The following RBM15 variants were observed in gnomAD, a reference collection of about 807,000 sequenced individuals.
RBM15 encodes RNA binding motif protein 15.
In RBM15, 8 loss-of-function variants were observed where a neutral mutation model predicts 62.6. The ratio of observed to expected loss-of-function variants is 0.13; its 90% CI spans 0.07 to 0.23. RBM15 has a LOEUF of 0.23. Ranked by LOEUF, RBM15 falls within the 10% of genes least tolerant of loss-of-function variation. The probability of loss-of-function intolerance (pLI) is 1.00; values close to 1 mark genes in which losing one functional copy is unlikely to be tolerated. For missense variants in RBM15, 1,144 were observed against 1,286.5 expected (o/e 0.89, Z 1.69); for synonymous variants, 606 against 505.7 (o/e 1.20, Z -2.66).
In RBM15 at chr1:110,341,119, C is replaced by G. The variant is rs141543149; in HGVS notation, c.1714C>G (p.Leu572Val). The G allele has an allele frequency of 6.2e-7, 1 of 1,614,190 alleles. No individual in the cohort carries two copies. Among genetic ancestry groups the G allele is most frequent in the East Asian group, 2.2e-5 (1 of 44,882 alleles). ...TGCTCGGGATAGGACACCACCCTTACTATACAGAGATCGTGATAGGGACCT... is the reference window on the plus strand; with the variant it reads ...TGCTCGGGATAGGACACCACCCTTAGTATACAGAGATCGTGATAGGGACCT... ...RGARDRTPPL[L>V]YRDRDRDLYP... The change falls in exon 1 of 3, where the codon CTA becomes GTA. Residue 572 changes from leucine to valine, a missense_variant. This residue lies in a region of RBM15 where 360 missense variants were observed against 342.9 expected (regional missense o/e 1.05). Transcript: ENST00000369784. The surrounding 1 kb of genome is among the most constrained non-coding windows in gnomAD (Gnocchi z 4.5).
At position 110,341,175 on chromosome 1, in the gene RBM15, AC is replaced by A; in HGVS notation, c.1775del (p.Pro592GlnfsTer23). The A allele has an allele frequency of 6.2e-7, 1 of 1,613,530 alleles. No homozygotes were observed. The highest frequency in any genetic ancestry group is 1.1e-5 in the South Asian group (1 of 91,038). On this transcript the variant is annotated frameshift_variant, in exon 1 of 3. Transcript: ENST00000369784. LOFTEE classifies it high-confidence loss of function. This position sits in a 1 kb window ranked among gnomAD's most constrained non-coding sequence, Gnocchi z 4.5. Reference sequence around the variant, plus strand: ...CTGACTCTGATTGGGTGCCACCCCCACCCCCAGTCCGAGAACGCAGCACTCG... The same window carrying A: ...CTGACTCTGATTGGGTGCCACCCCCACCCCAGTCCGAGAACGCAGCACTCG... Reference protein sequence around the residue: ...YPDSDWVPPPPPVRERSTRTA... With the variant: ...YPDSDWVPPPXPVRERSTRTA...
chr1:110,339,770 G>A lies in RBM15; in HGVS notation c.365G>A (p.Arg122His). The change falls in exon 1 of 3, where the codon CGC becomes CAC. Residue 122 changes from arginine (R) to histidine (H), a missense_variant. Physicochemically the swap from Arg to His is conservative, Grantham distance 29 (BLOSUM62 0). Around this residue, in one of 8 missense-constraint regions of RBM15, gnomAD observed 298 missense variants for 250.0 expected, o/e 1.19. Transcript: ENST00000369784. ...ACCGGTGGGGGCAGCTCCAGTAGCC[G>A]CTTGCATAGTTATAGCTCCCCGAGC... is the stretch of plus-strand genomic sequence containing the variant. ...YDTGGGSSSS[R>H]LHSYSSPSTK... The A allele has an allele frequency of 3.1e-6, 5 of 1,609,834 alleles. No homozygotes were observed. Among genetic ancestry groups the A allele is most frequent in the Non-Finnish European group, 4.2e-6 (5 of 1,177,346 alleles).
rs935669687 is a variant in RBM15 at position 110,346,419 on chromosome 1, C to T, written c.*152C>T. On this transcript the variant is annotated 3_prime_UTR_variant, in exon 3 of 3. Transcript: ENST00000369784. The stretch of plus-strand genomic sequence containing the variant: ...TACATGGGCCTCTGATGGAAGAAAG[C>T]TAATCTGTTTAGTATTTGTGCATTT... 2.1e-6 allele frequency: 3 copies of T among 1,444,402 alleles called. No homozygotes were observed. The highest frequency in any genetic ancestry group is 1.7e-5 in the Admixed American group (1 of 58,636). 89.5% of individuals were successfully genotyped at this position (1,444,402 alleles called of 1,614,324 possible). A position where few individuals can be genotyped will look rare whatever the true frequency, so the allele number is the denominator to read the frequency against.
At position 110,339,569 on chromosome 1, in the gene RBM15, C is replaced by G. The variant is rs776905649; in HGVS notation, c.164C>G (p.Ala55Gly). ...MKGKERSPVK[A>G]KRSRGGEDST... ...GGAAAAGAGCGCTCGCCAGTGAAGG[C>G]CAAACGCTCCCGTGGTGGTGAGGAC... The change falls in exon 1 of 3, where the codon GCC becomes GGC. Residue 55 changes from alanine (A) to glycine (G), a missense_variant. Transcript: ENST00000369784. 1.9e-6 allele frequency: 3 copies of G among 1,605,378 alleles called. No homozygotes were observed. Among genetic ancestry groups the G allele is most frequent in the Non-Finnish European group, 2.6e-6 (3 of 1,173,444 alleles).
chr1:110,344,391 ACTTT>A (rs1201351134), intron 1 of RBM15, among the ~76,000 whole-genome samples: 6 of 151,490 alleles, frequency 4.0e-5, no homozygotes, highest in Admixed American at 1.3e-4. Flanking sequence ...CTTTTCTTTT[ACTTT>A]CTTTTTTTTT....
At position 110,339,755 on chromosome 1, in the gene RBM15, G is replaced by T. The variant is rs1214422782; in HGVS notation, c.350G>T (p.Gly117Val). The T allele has an allele frequency of 6.2e-7, 1 of 1,611,394 alleles. No individual in the cohort carries two copies. Among genetic ancestry groups the T allele is most frequent in the South Asian group, 1.1e-5 (1 of 91,028 alleles). The part of the protein sequence containing the change: ...GGSREYDTGG[G>V]SSSSRLHSYS... Reference sequence around the variant, plus strand: ...AGCCGCGAGTATGATACCGGTGGGGGCAGCTCCAGTAGCCGCTTGCATAGT... The same window carrying T: ...AGCCGCGAGTATGATACCGGTGGGGTCAGCTCCAGTAGCCGCTTGCATAGT... Residue 117 changes from glycine (G) to valine (V), a missense_variant, in exon 1 of 3, where the codon GGC (glycine) becomes GTC (valine). Coordinates refer to ENST00000369784, the MANE Select transcript of RBM15 (RefSeq NM_022768.5).
In RBM15 at chr1:110,341,657, G is replaced by A; in HGVS notation, c.2252G>A (p.Gly751Glu). The A allele has an allele frequency of 1.2e-6, 2 of 1,614,156 alleles. No individual in the cohort carries two copies. Among genetic ancestry groups the A allele is most frequent in the Non-Finnish European group, 1.7e-6 (2 of 1,180,042 alleles). Residue 751 changes from glycine (G) to glutamate (E), a missense_variant, in exon 1 of 3, where the codon GGG becomes GAG. By Grantham distance (98) the Gly-to-Glu change is moderately conservative (BLOSUM62 -2). This residue lies in a region of RBM15 where 360 missense variants were observed against 342.9 expected (regional missense o/e 1.05). Transcript: ENST00000369784. The surrounding 1 kb of genome is among the most constrained non-coding windows in gnomAD (Gnocchi z 4.5). ...CTGAAAAAAGAAGACCGCTCTGATG[G>A]GAGTGCACCTAGCACCAGCACTGCT... ...SPLKKEDRSD[G>E]SAPSTSTASS...
chr1:110,342,560 C>G, intron 1 of RBM15: 1 of 364,766 alleles, frequency 2.7e-6, no homozygotes, highest in Non-Finnish European at 4.8e-6. Flanking sequence ...TTTTTTTTCT[C>G]TATTCAGTTG....
rs975157281 is a variant in RBM15 at position 110,341,177 on chromosome 1, C to T, written c.1772C>T (p.Pro591Leu). Residue 591 changes from proline to leucine, a missense_variant, in exon 1 of 3, where the codon CCC becomes CTC. Coordinates refer to ENST00000369784, the MANE Select transcript of RBM15 (RefSeq NM_022768.5). This position sits in a 1 kb window ranked among gnomAD's most constrained non-coding sequence, Gnocchi z 4.5. ...YPDSDWVPPP[P>L]PVRERSTRTA... is the part of the protein sequence containing the mutation. ...GACTCTGATTGGGTGCCACCCCCAC[C>T]CCCAGTCCGAGAACGCAGCACTCGG... 2 of 1,613,992 alleles carry T rather than the reference C, an allele frequency of 1.2e-6. No individual in the cohort carries two copies. The highest frequency in any genetic ancestry group is 1.7e-6 in the Non-Finnish European group (2 of 1,180,008).
rs748516713 is a variant in RBM15, at chr1:110,342,142, G to A, written c.2737G>A (p.Asp913Asn). Residue 913 changes from aspartate (D) to asparagine (N), a missense_variant, in exon 1 of 3, where the codon GAC (aspartate) becomes AAC (asparagine). Physicochemically the swap from Asp to Asn is conservative, Grantham distance 23. Transcript: ENST00000369784. ...CAGCCTCCCTGTGGGGGGCAACAAAGACAAGGAAAACACCGGGGTCCTTCA... is the reference window on the plus strand; with the variant it reads ...CAGCCTCCCTGTGGGGGGCAACAAAAACAAGGAAAACACCGGGGTCCTTCA... ...VISLPVGGNK[D>N]KENTGVLHAF... is the part of the protein sequence containing the mutation. 1 of 1,614,132 alleles carries A rather than the reference G, an allele frequency of 6.2e-7. No homozygotes were observed. Among genetic ancestry groups the A allele is most frequent in the Admixed American group, 1.7e-5 (1 of 60,018 alleles).
In RBM15 at chr1:110,341,482, C is replaced by T. The variant is rs762343065; in HGVS notation, c.2077C>T (p.Arg693Cys). 5 of 1,613,970 alleles carry T rather than the reference C, an allele frequency of 3.1e-6. No individual in the cohort carries two copies. The highest frequency in any genetic ancestry group is 2.2e-5 in the East Asian group (1 of 44,878). ...RYNSDNDRSS[R>C]LLLERPSPIR... The stretch of plus-strand genomic sequence containing the variant: ...CAACAGCGACAATGATCGATCTTCC[C>T]GTCTTCTCTTGGAAAGGCCCTCTCC... Residue 693 changes from arginine (R) to cysteine (C), a missense_variant, in exon 1 of 3, where the codon CGT becomes TGT. Physicochemically the swap from Arg to Cys is radical, Grantham distance 180 (BLOSUM62 -3). Coordinates refer to ENST00000369784, the MANE Select transcript of RBM15 (RefSeq NM_022768.5). The surrounding 1 kb of genome is among the most constrained non-coding windows in gnomAD (Gnocchi z 4.5).
At position 110,340,116 on chromosome 1, in the gene RBM15, C is replaced by T. The variant is rs1660762340; in HGVS notation, c.711C>T (p.Arg237=). ...DARAAKHARG[R]LVLYDRPLKI... ...GGGCGGCCAAGCATGCCAGAGGCCGCCTGGTGCTCTATGACCGGCCTCTGA... is the reference window on the plus strand; with the variant it reads ...GGGCGGCCAAGCATGCCAGAGGCCGTCTGGTGCTCTATGACCGGCCTCTGA... Residue 237 remains arginine, a synonymous_variant, in exon 1 of 3, where the codon CGC becomes CGT. Transcript: ENST00000369784. The surrounding 1 kb of genome is among the most constrained non-coding windows in gnomAD (Gnocchi z 5.8). The T allele has an allele frequency of 1.9e-6, 3 of 1,613,856 alleles. No individual in the cohort carries two copies. In the East Asian group the frequency reaches 6.7e-5, roughly 36 times the overall value.
At chr1:110,345,739 G>T in intron 2 of RBM15, 90 bp downstream of exon 2, 1 of 772,832 alleles carries the variant, frequency 1.3e-6, no homozygotes, top group Non-Finnish European at 2.1e-6. Context: ...AGTGTTCTTT[G>T]GCTGTTTAAC....
At position 110,341,657 on chromosome 1, in the gene RBM15, G is replaced by C. The variant is rs1171350104; in HGVS notation, c.2252G>C (p.Gly751Ala). ...SPLKKEDRSD[G>A]SAPSTSTASS... ...CTGAAAAAAGAAGACCGCTCTGATG[G>C]GAGTGCACCTAGCACCAGCACTGCT... Residue 751 changes from glycine to alanine, a missense_variant, in exon 1 of 3, where the codon GGG (glycine) becomes GCG (alanine). Physicochemically the swap from Gly to Ala is moderately conservative, Grantham distance 60. Transcript: ENST00000369784. The surrounding 1 kb of genome is among the most constrained non-coding windows in gnomAD (Gnocchi z 4.5). 1 of 1,614,156 alleles carries C rather than the reference G, an allele frequency of 6.2e-7. No homozygotes were observed. The highest frequency in any genetic ancestry group is 1.1e-5 in the South Asian group (1 of 91,078).
rs1660775143 is a variant in RBM15, at chr1:110,340,580, G to A, written c.1175G>A (p.Arg392Lys). The A allele has an allele frequency of 1.2e-6, 2 of 1,614,184 alleles. No homozygotes were observed. Among genetic ancestry groups the A allele is most frequent in the African/African-American group, 2.7e-5 (2 of 75,044 alleles). ...DITVTESDLR[R>K]AFDRFGVITE... is the part of the protein sequence containing the mutation. Reference sequence around the variant, plus strand: ...ACTGTAACGGAGAGTGATTTAAGAAGGGCGTTTGATCGCTTTGGAGTCATC... The same window carrying A: ...ACTGTAACGGAGAGTGATTTAAGAAAGGCGTTTGATCGCTTTGGAGTCATC... The change falls in exon 1 of 3, where the codon AGG becomes AAG. Residue 392 changes from arginine to lysine, a missense_variant. Physicochemically the swap from Arg to Lys is conservative, Grantham distance 26 (BLOSUM62 2). This residue lies in a region of RBM15 where 105 missense variants were observed against 193.6 expected (regional missense o/e 0.54). Coordinates refer to ENST00000369784, the MANE Select transcript of RBM15 (RefSeq NM_022768.5). The surrounding 1 kb of genome is among the most constrained non-coding windows in gnomAD (Gnocchi z 5.8).
In RBM15 at chr1:110,340,359, A is replaced by T; in HGVS notation, c.954A>T (p.Pro318=). 1 of 1,613,776 alleles carries T rather than the reference A, an allele frequency of 6.2e-7. No homozygotes were observed. The highest frequency in any genetic ancestry group is 1.1e-5 in the South Asian group (1 of 91,064). The part of the protein sequence containing the change: ...QQLALGRLPP[P]PPPPLPRDLE... ...TGGCTCTTGGCCGCCTGCCCCCTCC[A>T]CCTCCGCCACCATTGCCTCGAGACC... Residue 318 remains proline (P), a synonymous_variant, in exon 1 of 3, where the codon CCA becomes CCT. Coordinates refer to ENST00000369784, the MANE Select transcript of RBM15 (RefSeq NM_022768.5). This position sits in a 1 kb window ranked among gnomAD's most constrained non-coding sequence, Gnocchi z 5.8.
intron 1 of RBM15, among the ~76,000 whole-genome samples, chr1:110,343,580 T>A (rs1429789806): frequency 6.6e-6 from 1 of 151,908 alleles, no homozygotes; most frequent in Non-Finnish European, 1.5e-5. Context: ...CTTTTGCTGC[T>A]TAACAGTAAT....
Position 110,340,164 on chromosome 1 carries a change from C to T in RBM15, c.759C>T (p.Ser253=), listed in dbSNP as rs551719121. The T allele has an allele frequency of 8.1e-6, 13 of 1,613,934 alleles. No individual in the cohort carries two copies. In the Admixed American group the frequency reaches 1.5e-4, roughly 19 times the overall value. Residue 253 remains serine, a synonymous_variant, in exon 1 of 3, where the codon AGC becomes AGT. Coordinates refer to ENST00000369784, the MANE Select transcript of RBM15 (RefSeq NM_022768.5). This position sits in a 1 kb window ranked among gnomAD's most constrained non-coding sequence, Gnocchi z 5.8. ...TGAAGATAGAAGCTGTGTATGTGAG[C>T]CGGCGCCGCAGCCGCTCCCCTTTAG... ...RPLKIEAVYV[S]RRRSRSPLDK...
At position 110,342,014 on chromosome 1, in the gene RBM15, G is replaced by A. The variant is rs778263276; in HGVS notation, c.2609G>A (p.Arg870Gln). The change falls in exon 1 of 3, where the codon CGG (arginine) becomes CAG (glutamine). Residue 870 changes from arginine (R) to glutamine (Q), a missense_variant. By Grantham distance (43) the Arg-to-Gln change is conservative (BLOSUM62 1). Around this residue, in one of 8 missense-constraint regions of RBM15, gnomAD observed 144 missense variants for 223.3 expected, o/e 0.64. Transcript: ENST00000369784. ...LLAVPGSSDSRSSSSSAASDT... is the reference protein window; with the variant it reads ...LLAVPGSSDSQSSSSSAASDT... ...GCTGTGCCTGGAAGTTCTGACAGCC[G>A]GTCCTCCTCTTCCTCAGCTGCATCA... is the stretch of plus-strand genomic sequence containing the variant. The A allele has an allele frequency of 1.8e-5, 29 of 1,614,080 alleles. No individual in the cohort carries two copies. The highest frequency in any genetic ancestry group is 3.3e-5 in the Admixed American group (2 of 60,010).
Sources: gnomAD v4.1 joint callset for allele counts (sites outside exome capture counted in the v4.1 genomes callset) on GRCh38, gnomAD v4.1.1 for gene constraint, gnomAD v4.1.1 regional missense constraint, Gnocchi (gnomAD v3.1) non-coding constraint, MANE v1.5 for transcripts, NCBI Gene and HGNC (gene_info 2026-07-23, HGNC 2026-07-21) for gene names.